The following ASB3 variants were observed in gnomAD, a reference collection of about 807,000 sequenced individuals.
The protein encoded by ASB3 is ankyrin repeat and SOCS box containing 3.
Under a neutral mutation model 54.5 loss-of-function variants are expected in ASB3, and 41 were observed. That is an observed-to-expected ratio of 0.75 (90% CI 0.59 to 0.98). The LOEUF (loss-of-function observed/expected upper bound fraction) is 0.98, where lower values mean the gene tolerates loss of function less well. Among genes scored for constraint, ASB3 ranks in the 50% least tolerant of loss-of-function variants. The pLI is 0.00. For missense variants in ASB3, 733 were observed against 620.0 expected (o/e 1.18, Z -1.94); for synonymous variants, 266 against 221.2 (o/e 1.20, Z -1.80).
intron 1 of ASB3, among the ~76,000 whole-genome samples, chr2:53,771,588 T>C (rs919869707): frequency 5.3e-5 from 8 of 152,222 alleles, no homozygotes; most frequent in Admixed American, 3.3e-4. Flanking sequence ...TATTTATAAT[T>C]ACTGCTTCCA....
At chr2:53,749,382 GA>G (rs1672399568) in intron 3 of ASB3, among the ~76,000 whole-genome samples, 1 of 152,112 alleles carries the variant, frequency 6.6e-6, no homozygotes, top group Non-Finnish European at 1.5e-5. Context: ...CAAACCAGTA[GA>G]AAAAAACTTC....
intron 9 of ASB3, 115 bp from the exon 10 acceptor site, chr2:53,670,805 AAAG>A: frequency 1.7e-6 from 2 of 1,201,654 alleles, no homozygotes; most frequent in East Asian, 2.6e-5. Context: ...ATATTGCTTG[AAAG>A]AAGACTACTT....
At chr2:53,702,275 G>A (rs17045119) in intron 7 of ASB3, among the ~76,000 whole-genome samples, 2,292 of 152,244 alleles carry the variant, frequency 0.015, 60 homozygotes, top group African/African-American at 0.053. Flanking sequence ...ATAAACTGGA[G>A]AAGCATAGAG....
chr2:53,695,702 T>C lies in ASB3; in HGVS notation c.1239-1688A>G, dbSNP rs56193036. On this transcript the variant is annotated intron_variant, in intron 8 of 9. Transcript: ENST00000263634. ...CTTTACTACAGAGACCATTACATTG[T>C]ATAGACCAGTTGTACAATCATAAAC... Among the ~76,000 whole-genome samples, 849 of 152,244 alleles carry C rather than the reference T, an allele frequency of 5.6e-3. 3 individuals carry two copies. The highest frequency in any genetic ancestry group is 0.01 in the Middle Eastern group (3 of 294).
intron 9 of ASB3, among the ~76,000 whole-genome samples, chr2:53,672,271 A>G (rs1248831154): frequency 2.6e-5 from 4 of 152,342 alleles, no homozygotes; most frequent in Non-Finnish European, 1.5e-5. Context: ...ATTATAAATA[A>G]TAAGATTACA....
At chr2:53,681,148 G>T (rs1668349908) in intron 9 of ASB3, among the ~76,000 whole-genome samples, 1 of 152,078 alleles carries the variant, frequency 6.6e-6, no homozygotes, top group Admixed American at 6.5e-5. Flanking sequence ...GACACCAGTT[G>T]CTTCTAAATC....
intron 3 of ASB3, 46 bp downstream of exon 3, chr2:53,750,737 T>C (rs76764843): frequency 1.4e-6 from 2 of 1,429,720 alleles, no homozygotes; most frequent in South Asian, 1.8e-5. Context: ...AACAAAAAAA[T>C]AATAATGATG....
chr2:53,760,592 C>T (rs1430816489), intron 2 of ASB3, among the ~76,000 whole-genome samples: 1 of 152,136 alleles, frequency 6.6e-6, no homozygotes, highest in African/African-American at 2.4e-5. Flanking sequence ...GGATGGCTAG[C>T]CACTGAAGAA....
At chr2:53,730,635 T>C (rs775713175) in intron 3 of ASB3, among the ~76,000 whole-genome samples, 2 of 152,172 alleles carry the variant, frequency 1.3e-5, no homozygotes, top group Non-Finnish European at 2.9e-5. Flanking sequence ...CTTTCCACAA[T>C]GGTTGAATTA....
chr2:53,676,253 C>A (rs1472368692), intron 9 of ASB3, among the ~76,000 whole-genome samples: 1 of 152,186 alleles, frequency 6.6e-6, no homozygotes. Flanking sequence ...CACAGTGATA[C>A]TACTTCGTGC....
At chr2:53,785,421 C>T (rs574797558) in intron 1 of ASB3, among the ~76,000 whole-genome samples, 1 of 135,130 alleles carries the variant, frequency 7.4e-6, no homozygotes, top group African/African-American at 2.7e-5. Context: ...GTGCTTAGCA[C>T]AGAATAAATG....
intron 5 of ASB3, among the ~76,000 whole-genome samples, chr2:53,727,628 C>A (rs182056818): frequency 5.9e-4 from 90 of 152,296 alleles, no homozygotes; most frequent in African/African-American, 1.5e-3. Flanking sequence ...GGAGCAAGGC[C>A]TGGCCTCAAT....
At chr2:53,672,696 T>A (rs1216387933) in intron 9 of ASB3, among the ~76,000 whole-genome samples, 1 of 152,200 alleles carries the variant, frequency 6.6e-6, no homozygotes, top group Non-Finnish European at 1.5e-5. Flanking sequence ...TTTATGTATT[T>A]TTTACTCACC....
intron 5 of ASB3, among the ~76,000 whole-genome samples, chr2:53,725,428 G>A (rs12617360): frequency 0.063 from 9,583 of 152,122 alleles, 408 homozygotes; most frequent in East Asian, 0.17. Flanking sequence ...CATACCCTCT[G>A]AATCTGAAAT....
intron 3 of ASB3, among the ~76,000 whole-genome samples, chr2:53,740,880 T>C (rs1671897518): frequency 6.6e-6 from 1 of 152,168 alleles, no homozygotes; most frequent in Non-Finnish European, 1.5e-5. Flanking sequence ...ACTATCCTAT[T>C]ATATATTGTT....
chr2:53,766,462 T>G (rs1336728015), intron 1 of ASB3, among the ~76,000 whole-genome samples: 1 of 152,246 alleles, frequency 6.6e-6, no homozygotes, highest in Non-Finnish European at 1.5e-5. Flanking sequence ...TCACAGTTAT[T>G]AGGAGAATGC....
chr2:53,728,410 T>C (rs1019321264), intron 5 of ASB3, among the ~76,000 whole-genome samples: 1 of 152,182 alleles, frequency 6.6e-6, no homozygotes, highest in Admixed American at 6.5e-5. Context: ...CCCTAGAAAG[T>C]TGAAACTGCT....
At chr2:53,728,914 C>A in intron 4 of ASB3, 67 bp from the exon 5 acceptor site, 1 of 1,472,570 alleles carries the variant, frequency 6.8e-7, no homozygotes, top group Non-Finnish European at 9.0e-7. Context: ...TTTCTTCTTA[C>A]TGTGTTTTTT....
At chr2:53,728,962 G>C in intron 4 of ASB3, 115 bp from the exon 5 acceptor site, 2 of 1,230,824 alleles carry the variant, frequency 1.6e-6, no homozygotes, top group South Asian at 1.8e-5. Flanking sequence ...ATAACTTGAA[G>C]GAAAAAACAA....
Sources: allele counts gnomAD v4.1 joint callset (sites outside exome capture counted in the v4.1 genomes callset), GRCh38; gene constraint gnomAD v4.1.1; transcripts MANE v1.5; gene names NCBI Gene and HGNC (gene_info 2026-07-23, HGNC 2026-07-21).